Variants in PDGFC observed in about 807,000 individuals in gnomAD.
PDGFC encodes platelet-derived growth factor C.
PDGFC carries 12 observed loss-of-function variants against 35.5 expected under a neutral mutation model. The observed-to-expected ratio is 0.34, with a 90% confidence interval of 0.22 to 0.55. PDGFC has a LOEUF of 0.55. PDGFC is among the 20% of genes least tolerant of loss of function. The pLI, the probability that PDGFC is intolerant of heterozygous loss-of-function variation, is 0.91. For synonymous variants in PDGFC, 159 were observed against 148.8 expected (o/e 1.07, Z -0.50); for missense variants, 322 against 412.4 (o/e 0.78, Z 1.90).
At chr4:156,959,382 A>C (rs1348954221) in intron 1 of PDGFC, among the ~76,000 whole-genome samples, 3 of 151,972 alleles carry the variant, frequency 2.0e-5, no homozygotes, top group African/African-American at 7.2e-5. Flanking sequence ...ACATCTAGTA[A>C]ATGACCCAAT....
intron 3 of PDGFC, among the ~76,000 whole-genome samples, chr4:156,794,782 AC>A (rs1332456894): frequency 1.3e-5 from 2 of 152,286 alleles, no homozygotes; most frequent in African/African-American, 4.8e-5. Flanking sequence ...ATGGAAGAGA[AC>A]AAAAATATAT....
At chr4:156,949,947 A>G (rs944949655) in intron 1 of PDGFC, among the ~76,000 whole-genome samples, 1 of 151,940 alleles carries the variant, frequency 6.6e-6, no homozygotes, top group African/African-American at 2.4e-5. Context: ...GGAAATAAAA[A>G]TAGCTTCACT....
rs537111736 is a variant in PDGFC, at chr4:156,896,583, G to A, written c.119-46167C>T. Among the ~76,000 whole-genome samples the A allele has an allele frequency of 4.0e-3, 612 of 152,246 alleles. 2 individuals are homozygous for A. The highest frequency in any genetic ancestry group is 0.014 in the African/African-American group (589 of 41,536). ...TTAAACTGGGCAAATTTTACTTAAA[G>A]AGTTGACACAATATTTAAGATGGAC... On this transcript the variant is annotated intron_variant, in intron 1 of 5. Transcript: ENST00000502773.
intron 3 of PDGFC, among the ~76,000 whole-genome samples, chr4:156,777,404 G>T (rs763695136): frequency 6.6e-6 from 1 of 152,150 alleles, no homozygotes; most frequent in Non-Finnish European, 1.5e-5. Context: ...TGTATTTGGA[G>T]ACAGGGTCTT....
intron 1 of PDGFC, among the ~76,000 whole-genome samples, chr4:156,948,989 G>A (rs987726490): frequency 1.6e-3 from 242 of 151,928 alleles, no homozygotes; most frequent in African/African-American, 4.5e-3. Context: ...AATTCACCGA[G>A]GTCCTGTGCT....
intron 1 of PDGFC, among the ~76,000 whole-genome samples, chr4:156,865,933 A>G (rs1433679543): frequency 1.3e-5 from 2 of 152,092 alleles, no homozygotes; most frequent in African/African-American, 4.8e-5. Flanking sequence ...AACACCATAA[A>G]AAGTTTTCCT....
At chr4:156,929,649 G>T (rs1256091964) in intron 1 of PDGFC, among the ~76,000 whole-genome samples, 1 of 152,138 alleles carries the variant, frequency 6.6e-6, no homozygotes, top group Non-Finnish European at 1.5e-5. Context: ...TTCAGTGAAT[G>T]ATTTACTGTT....
In PDGFC at chr4:156,850,317, A is replaced by G; in HGVS notation, c.218T>C (p.Leu73Ser). Residue 73 changes from leucine to serine, a missense_variant, in exon 2 of 6, where the codon TTG (leucine) becomes TCG (serine). Transcript: ENST00000502773. ...CTCTACTGCTACTAATCTCCATACC[A>G]AGACCGTATTTCTTGGATAAGTATG... ...FPHTYPRNTV[L>S]VWRLVAVEEN... 6.2e-7 allele frequency: 1 copy of G among 1,609,706 alleles called. No homozygotes were observed. The highest frequency in any genetic ancestry group is 8.5e-7 in the Non-Finnish European group (1 of 1,176,642).
chr4:156,885,005 T>C (rs1332957914), intron 1 of PDGFC, among the ~76,000 whole-genome samples: 1 of 152,194 alleles, frequency 6.6e-6, no homozygotes, highest in Admixed American at 6.5e-5. Context: ...ATTCCCTACT[T>C]TTGCCCTTTA....
intron 1 of PDGFC, among the ~76,000 whole-genome samples, chr4:156,881,358 A>T (rs928655723): frequency 6.6e-6 from 1 of 152,156 alleles, no homozygotes; most frequent in African/African-American, 2.4e-5. Context: ...GGGTGGTACA[A>T]ATGTAATTTT....
At chr4:156,841,880 G>A (rs1248403781) in intron 2 of PDGFC, among the ~76,000 whole-genome samples, 1 of 152,124 alleles carries the variant, frequency 6.6e-6, no homozygotes, top group African/African-American at 2.4e-5. Flanking sequence ...TGATAAAAGA[G>A]TCTTAAATTA....
intron 1 of PDGFC, among the ~76,000 whole-genome samples, chr4:156,968,410 A>C (rs1732515755): frequency 6.6e-6 from 1 of 152,162 alleles, no homozygotes. Context: ...GGACTGTACA[A>C]CTGTCAAAAT....
chr4:156,826,270 G>T (rs1285468923), intron 2 of PDGFC, among the ~76,000 whole-genome samples: 1 of 125,268 alleles, frequency 8.0e-6, no homozygotes, highest in Non-Finnish European at 1.6e-5. Flanking sequence ...TCGGCTCACT[G>T]CAACCTCTGC....
At chr4:156,958,732 C>T (rs939031997) in intron 1 of PDGFC, among the ~76,000 whole-genome samples, 7 of 152,092 alleles carry the variant, frequency 4.6e-5, no homozygotes, top group Admixed American at 3.3e-4. Context: ...ACCCACCCAA[C>T]TCCCCTTTAC....
In PDGFC at chr4:156,810,846, A is replaced by T; in HGVS notation, c.486T>A (p.Ile162=). 1 of 1,592,570 alleles carries T rather than the reference A, an allele frequency of 6.3e-7. No homozygotes were observed. Among genetic ancestry groups the T allele is most frequent in the Non-Finnish European group, 8.6e-7 (1 of 1,164,294 alleles). The change falls in exon 3 of 6, where the codon ATT becomes ATA. Residue 162 remains isoleucine, a synonymous_variant. Transcript: ENST00000502773. ...TGAAAGTGGTACTTACTGGCATGAC[A>T]ATGTTGTAGTGGATGCAGAACCCTG... The part of the protein sequence containing the change: ...SEPGFCIHYN[I]VMPQFTEAVS...
At chr4:156,937,215 T>G (rs1159557084) in intron 1 of PDGFC, among the ~76,000 whole-genome samples, 1 of 152,186 alleles carries the variant, frequency 6.6e-6, no homozygotes, top group African/African-American at 2.4e-5. Flanking sequence ...GGATCAAGGA[T>G]GCAATCTTGG....
chr4:156,826,174 A>ATTTTTTTTTTTTTTTTTTTTTTTTTT (rs59421806), intron 2 of PDGFC, among the ~76,000 whole-genome samples: 2 of 43,790 alleles, frequency 4.6e-5, no homozygotes, highest in Non-Finnish European at 8.2e-5. Flanking sequence ...TTTGAGTTGG[A>ATTTTTTTTTTTTTTTTTTTTTTTTTT]TTTTTTTTTT....
At chr4:156,945,197 C>G (rs1364784413) in intron 1 of PDGFC, among the ~76,000 whole-genome samples, 1 of 151,454 alleles carries the variant, frequency 6.6e-6, no homozygotes, top group African/African-American at 2.4e-5. Context: ...GTACATTCTG[C>G]TCATTGCTTT....
intron 2 of PDGFC, among the ~76,000 whole-genome samples, chr4:156,813,324 C>T (rs959515549): frequency 1.3e-5 from 2 of 152,076 alleles, no homozygotes; most frequent in South Asian, 2.1e-4. Context: ...GCAAACTGCT[C>T]TGCTAGATTC....
Sources: gnomAD v4.1 joint callset for allele counts (sites outside exome capture counted in the v4.1 genomes callset) on GRCh38, gnomAD v4.1.1 for gene constraint, MANE v1.5 for transcripts, NCBI Gene and HGNC (gene_info 2026-07-23, HGNC 2026-07-21) for gene names.